The following CTU2 variants were observed in gnomAD, a reference collection of about 807,000 sequenced individuals.
CTU2 encodes the protein cytosolic thiouridylase subunit 2.
CTU2 carries 80 observed loss-of-function variants against 64.1 expected under a neutral mutation model. The observed-to-expected ratio is 1.25, with a 90% CI of 1.04 to 1.50. CTU2 has a LOEUF of 1.50. Among genes scored for constraint, CTU2 ranks in the 40% most tolerant of loss-of-function variants. The probability of loss-of-function intolerance (pLI) is 0.00; values close to 1 mark genes in which losing one functional copy is unlikely to be tolerated. For missense variants in CTU2, 1,110 were observed against 690.2 expected (o/e 1.61, Z -6.81); for synonymous variants, 482 against 285.3 (o/e 1.69, Z -6.95).
rs140091320 is a variant in CTU2 at position 88,712,784 on chromosome 16, C to T, written c.616C>T (p.Pro206Ser). The T allele has an allele frequency of 3.1e-6, 5 of 1,607,748 alleles. No homozygotes were observed. The South Asian group carries it at 3.3e-5, about 11-fold the overall frequency. The change falls in exon 7 of 15, where the codon CCC becomes TCC. Residue 206 changes from proline to serine, a missense_variant. Coordinates refer to ENST00000453996, the MANE Select transcript of CTU2 (RefSeq NM_001012759.3). The part of the protein sequence containing the change: ...PTQGEEQPPQ[P>S]PLDPQNLARP... Reference sequence around the variant, plus strand: ...TCAAGGGGAGGAACAGCCACCCCAGCCCCCGCTGGACCCCCAGAACCTGGC... The same window carrying T: ...TCAAGGGGAGGAACAGCCACCCCAGTCCCCGCTGGACCCCCAGAACCTGGC...
At position 88,712,763 on chromosome 16, in the gene CTU2, G is replaced by C; in HGVS notation, c.595G>C (p.Gly199Arg). The change falls in exon 7 of 15, where the codon GGG (glycine) becomes CGG (arginine). Residue 199 changes from glycine to arginine, a missense_variant. Gly to Arg is a moderately radical substitution (Grantham distance 125). Transcript: ENST00000453996. ...CGGGGGTGGTCCTGGCCCGACTCAAGGGGAGGAACAGCCACCCCAGCCCCC... is the reference window on the plus strand; with the variant it reads ...CGGGGGTGGTCCTGGCCCGACTCAACGGGAGGAACAGCCACCCCAGCCCCC... ...GAGGGPGPTQ[G>R]EEQPPQPPLD... The C allele has an allele frequency of 6.2e-7, 1 of 1,608,580 alleles. No individual in the cohort carries two copies. Among genetic ancestry groups the C allele is most frequent in the Non-Finnish European group, 8.5e-7 (1 of 1,178,300 alleles).
intron 7 of CTU2, 105 bp from the exon 8 acceptor site, chr16:88,713,207 C>A: frequency 3.2e-6 from 1 of 315,626 alleles, no homozygotes; most frequent in Non-Finnish European, 5.2e-6. Flanking sequence ...CCACTCATAC[C>A]CCTGAGAGCC....
chr16:88,712,816 G>A lies in CTU2; in HGVS notation c.648G>A (p.Pro216=), dbSNP rs781297466. 1.7e-5 allele frequency: 28 copies of A among 1,600,908 alleles called. No individual in the cohort carries two copies. The highest frequency in any genetic ancestry group is 3.3e-5 in the South Asian group (3 of 89,588). ...PPLDPQNLAR[P]PAPAQTEALS... is the part of the protein sequence containing the mutation. ...TGGACCCCCAGAACCTGGCAAGACCGCCTGCCCCTGCCCAGACTGAGGCTC... is the reference window on the plus strand; with the variant it reads ...TGGACCCCCAGAACCTGGCAAGACCACCTGCCCCTGCCCAGACTGAGGCTC... The change falls in exon 7 of 15, where the codon CCG becomes CCA. Residue 216 remains proline (P), a synonymous_variant. Coordinates refer to ENST00000453996, the MANE Select transcript of CTU2 (RefSeq NM_001012759.3).
rs773899378 is a variant in CTU2 at position 88,714,651 on chromosome 16, C to G, written c.1266C>G (p.Pro422=). 6.2e-7 allele frequency: 1 copy of G among 1,612,588 alleles called. No individual in the cohort carries two copies. The highest frequency in any genetic ancestry group is 1.3e-5 in the African/African-American group (1 of 75,020). Residue 422 remains proline (P), a synonymous_variant, in exon 12 of 15, where the codon CCC becomes CCG. Transcript: ENST00000453996. The stretch of plus-strand genomic sequence containing the variant: ...TCTCCCAGATGCAGTCACCCATCCC[C>G]CTGACTGAGACCCGGACACCCCCGG... ...SRLSQMQSPI[P]LTETRTPPGP... is the part of the protein sequence containing the mutation.
At chr16:88,714,064 T>C (rs7205626) in intron 9 of CTU2, 72 bp from the exon 10 acceptor site, 1,294,397 of 1,445,710 alleles carry the variant, frequency 0.9, 579,863 homozygotes, top group Middle Eastern at 0.94. Context: ...ACGGCACCTG[T>C]CCTGGGGACT....
chr16:88,707,462 G>T (rs919696596), intron 2 of CTU2, among the ~76,000 whole-genome samples: 1 of 152,208 alleles, frequency 6.6e-6, no homozygotes, highest in Admixed American at 6.5e-5. Flanking sequence ...GGGACAGTTG[G>T]AAGTGGGGCC....
intron 2 of CTU2, among the ~76,000 whole-genome samples, chr16:88,707,723 CAT>C (rs959027038): frequency 2.4e-4 from 36 of 152,256 alleles, no homozygotes; most frequent in African/African-American, 8.4e-4. Context: ...CCACTAGACT[CAT>C]AGCTCCCTGA....
In CTU2 at chr16:88,710,016, G is replaced by A. The variant is rs758380123; in HGVS notation, c.222G>A (p.Lys74=). 14 of 1,613,860 alleles carry A rather than the reference G, an allele frequency of 8.7e-6. No homozygotes were observed. Among genetic ancestry groups the A allele is most frequent in the South Asian group, 6.6e-5 (6 of 91,086 alleles). ...ACCGGCTCATCTTTCCAGGCGAGAA[G>A]GTAGCGTCTGGGTCCTGGGGGTCTG... The part of the protein sequence containing the change: ...GKNRLIFPGE[K]VLLAWSGGPS... The change falls in exon 3 of 15, where the codon AAG becomes AAA. Residue 74 remains lysine (K), a splice_region_variant and synonymous_variant. Transcript: ENST00000453996.
rs759695208 is a variant in CTU2 at position 88,714,393 on chromosome 16, A to C, written c.1108A>C (p.Lys370Gln). ...ACAATCCGGCCACAGGACAAGTGAG[A>C]AGCTGGTGAAGGGCCCCCGGGATGG... ...TVSTVYRTSE[K>Q]LVKGPRDGPA... The change falls in exon 11 of 15, where the codon AAG becomes CAG. Residue 370 changes from lysine (K) to glutamine (Q), a missense_variant. Coordinates refer to ENST00000453996, the MANE Select transcript of CTU2 (RefSeq NM_001012759.3). 1 of 1,612,400 alleles carries C rather than the reference A, an allele frequency of 6.2e-7. No homozygotes were observed. Among genetic ancestry groups the C allele is most frequent in the Non-Finnish European group, 8.5e-7 (1 of 1,179,792 alleles).
chr16:88,714,201 C>G lies in CTU2; in HGVS notation c.1071C>G (p.Phe357Leu). ...EAFILRLQTQ[F>L]PSTVSTVYRT... Reference sequence around the variant, plus strand: ...TCATCCTCAGGCTGCAGACCCAGTTCCCCTCCACTGTCAGCACTGTGTACA... The same window carrying G: ...TCATCCTCAGGCTGCAGACCCAGTTGCCCTCCACTGTCAGCACTGTGTACA... Residue 357 changes from phenylalanine (F) to leucine (L), a missense_variant, in exon 10 of 15, where the codon TTC becomes TTG. By Grantham distance (22) the Phe-to-Leu change is conservative (BLOSUM62 0). Coordinates refer to ENST00000453996, the MANE Select transcript of CTU2 (RefSeq NM_001012759.3). 1 of 1,611,132 alleles carries G rather than the reference C, an allele frequency of 6.2e-7. No individual in the cohort carries two copies. Among genetic ancestry groups the G allele is most frequent in the Non-Finnish European group, 8.5e-7 (1 of 1,179,586 alleles).
chr16:88,713,683 G>C lies in CTU2; in HGVS notation c.910G>C (p.Val304Leu), dbSNP rs1307050354. 1.2e-6 allele frequency: 2 copies of C among 1,612,630 alleles called. No individual in the cohort carries two copies. Among genetic ancestry groups the C allele is most frequent in the South Asian group, 1.1e-5 (1 of 91,086 alleles). The change falls in exon 9 of 15, where the codon GTG becomes CTG. Residue 304 changes from valine (V) to leucine (L), a missense_variant. Val to Leu is a conservative substitution (Grantham distance 32, BLOSUM62 1). Transcript: ENST00000453996. ...TGAGCGGCACGGGGACGTGGTGGTGGTGCGGCCCATGCGGGACCACACCCT... is the reference window on the plus strand; with the variant it reads ...TGAGCGGCACGGGGACGTGGTGGTGCTGCGGCCCATGCGGGACCACACCCT... ...SDERHGDVVV[V>L]RPMRDHTLKE...
At chr16:88,714,292 G>A in intron 10 of CTU2, 65 bp downstream of exon 10, 1 of 1,593,094 alleles carries the variant, frequency 6.3e-7, no homozygotes, top group Non-Finnish European at 8.6e-7. Flanking sequence ...GTGTGTGCGG[G>A]TGGTGAGCTC....
chr16:88,714,293 T>C, intron 10 of CTU2, 66 bp downstream of exon 10: 2 of 1,590,670 alleles, frequency 1.3e-6, no homozygotes, highest in Non-Finnish European at 8.6e-7. Flanking sequence ...TGTGTGCGGG[T>C]GGTGAGCTCA....
At chr16:88,712,006 G>A (rs1260447771) in intron 5 of CTU2, 2 of 596,734 alleles carry the variant, frequency 3.4e-6, no homozygotes, top group Non-Finnish European at 5.9e-6. Flanking sequence ...GGCAAGTTAA[G>A]TGCTGATGGT....
chr16:88,710,229 T>C lies in CTU2; in HGVS notation c.229T>C (p.Leu77=). The C allele has an allele frequency of 1.9e-6, 3 of 1,614,090 alleles. No individual in the cohort carries two copies. The highest frequency in any genetic ancestry group is 2.5e-6 in the Non-Finnish European group (3 of 1,180,006). Reference sequence around the variant, plus strand: ...GATGTTTTTTCTCCCCCAGGTGCTCTTGGCGTGGTCTGGGGGGCCTTCGTC... The same window carrying C: ...GATGTTTTTTCTCCCCCAGGTGCTCCTGGCGTGGTCTGGGGGGCCTTCGTC... ...RLIFPGEKVL[L]AWSGGPSSSS... is the part of the protein sequence containing the mutation. The change falls in exon 4 of 15, where the codon TTG becomes CTG. Residue 77 remains leucine (L), a synonymous_variant. Transcript: ENST00000453996.
intron 4 of CTU2, among the ~76,000 whole-genome samples, chr16:88,711,219 G>A (rs1362136404): frequency 6.6e-6 from 1 of 152,182 alleles, no homozygotes; most frequent in Non-Finnish European, 1.5e-5. Context: ...CGCTGGTGCT[G>A]CCCTTCCTGT....
In CTU2 at chr16:88,707,217, C is replaced by T; in HGVS notation, c.143+7C>T. 2 of 1,613,618 alleles carry T rather than the reference C, an allele frequency of 1.2e-6. No homozygotes were observed. Among genetic ancestry groups the T allele is most frequent in the Non-Finnish European group, 8.5e-7 (1 of 1,179,714 alleles). ...CCGGAGATGCCTTCTGCAGGTGAGG[C>T]CTGGAGGTGGCTGAGACCCTGGCAA... On this transcript the variant is annotated splice_region_variant and intron_variant, in intron 2 of 14. Coordinates refer to ENST00000453996, the MANE Select transcript of CTU2 (RefSeq NM_001012759.3).
At position 88,714,272 on chromosome 16, in the gene CTU2, C is replaced by CTG. The variant is rs758789738; in HGVS notation, c.1097+48_1097+49dup. The CTG allele has an allele frequency of 7.2e-5, 115 of 1,592,090 alleles. 1 individual carries two copies. Among genetic ancestry groups the CTG allele is most frequent in the South Asian group, 2.8e-4 (25 of 90,318 alleles). On this transcript the variant is annotated intron_variant, in intron 10 of 14. Coordinates refer to ENST00000453996, the MANE Select transcript of CTU2 (RefSeq NM_001012759.3). Reference sequence around the variant, plus strand: ...TGTGCGGGGGGTGCGCGGGTGTGTGCTGTGCGCGGGTGTGTGCGGGTGGTG... The same window carrying CTG: ...TGTGCGGGGGGTGCGCGGGTGTGTGCTGTGTGCGCGGGTGTGTGCGGGTGGTG...
At chr16:88,714,553 GC>G in intron 11 of CTU2, 33 bp from the exon 12 acceptor site, 2 of 1,612,632 alleles carry the variant, frequency 1.2e-6, no homozygotes, top group Non-Finnish European at 1.7e-6. Context: ...GGGCTCAGCA[GC>G]CCCAGGCTCC....
Sources: gnomAD v4.1 joint callset for allele counts (sites outside exome capture counted in the v4.1 genomes callset) on GRCh38, gnomAD v4.1.1 for gene constraint, MANE v1.5 for transcripts, NCBI Gene and HGNC (gene_info 2026-07-23, HGNC 2026-07-21) for gene names.